Variants in EFHC1 observed in about 807,000 individuals in gnomAD.
EFHC1 encodes EF-hand domain-containing protein 1.
In EFHC1, 53 loss-of-function variants were observed where a neutral mutation model predicts 69.9. The ratio of observed to expected loss-of-function variants is 0.76; its 90% CI spans 0.61 to 0.95. EFHC1 has a LOEUF of 0.95. EFHC1 is among the 40% of genes least tolerant of loss of function. EFHC1 has a pLI of 0.00. For missense variants in EFHC1, 739 were observed against 798.7 expected, an observed-to-expected ratio of 0.93 and a Z score of 0.90; for synonymous variants, 256 against 278.4, an observed-to-expected ratio of 0.92 and a Z score of 0.80.
chr6:52,471,678 C>A (rs888925736), intron 7 of EFHC1, among the ~76,000 whole-genome samples: 2 of 151,966 alleles, frequency 1.3e-5, no homozygotes, highest in African/African-American at 4.8e-5. Flanking sequence ...CCAGCCTGGC[C>A]AACATGCTAA....
In EFHC1 at chr6:52,454,299, T is replaced by G. The variant is rs756727865; in HGVS notation, c.916+12T>G. ...GGTGGAAAATGCAAGTATGTTTGAT[T>G]CAGTTTATTCTCTGTTACTTGGGAT... On this transcript the variant is annotated intron_variant, in intron 5 of 10. Coordinates refer to ENST00000371068, the MANE Select transcript of EFHC1 (RefSeq NM_018100.4). 3.1e-6 allele frequency: 5 copies of G among 1,613,978 alleles called. No homozygotes were observed. Among genetic ancestry groups the G allele is most frequent in the Non-Finnish European group, 4.2e-6 (5 of 1,179,872 alleles).
At chr6:52,456,119 C>T (rs905750695) in intron 5 of EFHC1, among the ~76,000 whole-genome samples, 1 of 152,040 alleles carries the variant, frequency 6.6e-6, no homozygotes, top group African/African-American at 2.4e-5. Context: ...AAATTGTCAT[C>T]ATTTTAGAAT....
In EFHC1 at chr6:52,495,386, G is replaced by C. The variant is rs1445502912; in HGVS notation, c.*3045G>C. The C allele has an allele frequency of 4.4e-6, 2 of 454,090 alleles. No homozygotes were observed. The highest frequency in any genetic ancestry group is 3.1e-5 in the South Asian group (2 of 64,478). The allele number at this position is 454,090 out of a possible 1,614,324, so 28.1% of individuals were successfully genotyped here. A position where few individuals can be genotyped will look rare whatever the true frequency, so the allele number is the denominator to read the frequency against. On this transcript the variant is annotated 3_prime_UTR_variant, in exon 11 of 11. Coordinates refer to ENST00000371068, the MANE Select transcript of EFHC1 (RefSeq NM_018100.4). The stretch of plus-strand genomic sequence containing the variant: ...CCCTTTCAAGAAGCTTGCACTTTCT[G>C]ATATTTTCTCCATCACTCTTGCCTC...
chr6:52,449,116 G>T (rs1032804556), intron 3 of EFHC1, among the ~76,000 whole-genome samples: 2 of 152,190 alleles, frequency 1.3e-5, no homozygotes, highest in African/African-American at 2.4e-5. Flanking sequence ...GGGTGCGGTG[G>T]CTCACGCCTG....
intron 10 of EFHC1, among the ~76,000 whole-genome samples, 185 bp from the exon 11 acceptor site, chr6:52,492,085 A>G (rs1765915851): frequency 6.6e-6 from 1 of 152,216 alleles, no homozygotes; most frequent in Admixed American, 6.5e-5. Context: ...CATTAAGTGT[A>G]AGATGGGGAT....
intron 2 of EFHC1, among the ~76,000 whole-genome samples, chr6:52,424,904 C>T (rs1035193521): frequency 6.6e-6 from 1 of 152,208 alleles, no homozygotes; most frequent in African/African-American, 2.4e-5. Context: ...GTAACTGGTT[C>T]TGAGAAGTAC....
rs542951675 is a variant in EFHC1, at chr6:52,482,652, A to C, written c.1640+2865A>C. 2.0e-5 allele frequency: 8 copies of C among 394,810 alleles called. No individual in the cohort carries two copies. The South Asian group carries it at 1.0e-3, about 49-fold the overall frequency. The allele number at this position is 394,810 out of a possible 1,614,324, so 24.5% of individuals were successfully genotyped here. The stretch of plus-strand genomic sequence containing the variant: ...TTATGATTTTTGCTTTCAATGTTAT[A>C]AAATATGTCTTAGACTTCCTTTAAT... On this transcript the variant is annotated intron_variant, in intron 9 of 10. Transcript: ENST00000371068.
At chr6:52,475,932 G>T (rs1765536101) in intron 7 of EFHC1, among the ~76,000 whole-genome samples, 1 of 152,174 alleles carries the variant, frequency 6.6e-6, no homozygotes, top group African/African-American at 2.4e-5. Context: ...ATGGGGAAGG[G>T]GCTCATTTAT....
chr6:52,467,028 CAG>C (rs71740737), intron 6 of EFHC1, among the ~76,000 whole-genome samples: 12,821 of 152,146 alleles, frequency 0.084, 592 homozygotes, highest in East Asian at 0.16. Flanking sequence ...ATGCAGTACA[CAG>C]GGGAAAATAC....
intron 4 of EFHC1, chr6:52,453,669 T>C (rs1182398959): frequency 5.6e-6 from 7 of 1,254,656 alleles, no homozygotes; most frequent in African/African-American, 4.7e-5. Context: ...CTAGAAGATA[T>C]GTGTTGATGG....
intron 2 of EFHC1, among the ~76,000 whole-genome samples, chr6:52,425,585 ATTCAT>A (rs2113968113): frequency 6.6e-6 from 1 of 152,262 alleles, no homozygotes; most frequent in Non-Finnish European, 1.5e-5. Context: ...AATATTCATA[ATTCAT>A]TTCTTTAAGG....
chr6:52,493,542 C>G lies in EFHC1; in HGVS notation c.*1201C>G. 9.4e-6 allele frequency: 4 copies of G among 426,670 alleles called. No homozygotes were observed. The highest frequency in any genetic ancestry group is 1.9e-5 in the Non-Finnish European group (4 of 215,110). 26.4% of individuals were successfully genotyped at this position (426,670 alleles called of 1,614,324 possible). The stretch of plus-strand genomic sequence containing the variant: ...TGGCGTGTGCCTGTAGTCCCAGCCA[C>G]TCGGGAGGCTTAAATGGGAGAATCA... On this transcript the variant is annotated 3_prime_UTR_variant, in exon 11 of 11. Coordinates refer to ENST00000371068, the MANE Select transcript of EFHC1 (RefSeq NM_018100.4).
intron 9 of EFHC1, chr6:52,483,230 G>A (rs936667198): frequency 2.8e-5 from 5 of 175,680 alleles, no homozygotes; most frequent in South Asian, 2.0e-4. Flanking sequence ...CCATGTTGTT[G>A]GGGGAATGGG....
At chr6:52,474,476 C>T (rs1765503913) in intron 7 of EFHC1, among the ~76,000 whole-genome samples, 1 of 152,088 alleles carries the variant, frequency 6.6e-6, no homozygotes, top group Non-Finnish European at 1.5e-5. Flanking sequence ...AGAGTATACC[C>T]ACTTTGTAAA....
In EFHC1 at chr6:52,454,126, C is replaced by A. The variant is rs747450415; in HGVS notation, c.755C>A (p.Thr252Lys). 3.7e-6 allele frequency: 6 copies of A among 1,613,728 alleles called. No homozygotes were observed. Among genetic ancestry groups the A allele is most frequent in the Admixed American group, 3.3e-5 (2 of 59,984 alleles). ...VLRFYAIWDDTDSMYGECRTY... is the reference protein window; with the variant it reads ...VLRFYAIWDDKDSMYGECRTY... ...CGATTCTATGCAATCTGGGATGATA[C>A]AGACAGCATGTATGGTGAATGTCGG... The change falls in exon 5 of 11, where the codon ACA (threonine) becomes AAA (lysine). Residue 252 changes from threonine to lysine, a missense_variant. Transcript: ENST00000371068.
At chr6:52,450,020 T>G (rs961472057) in intron 3 of EFHC1, among the ~76,000 whole-genome samples, 1 of 152,228 alleles carries the variant, frequency 6.6e-6, no homozygotes, top group African/African-American at 2.4e-5. Context: ...GTTCCATTAC[T>G]TTCAAAGAAA....
chr6:52,474,914 G>T (rs191967849), intron 7 of EFHC1, among the ~76,000 whole-genome samples: 1 of 151,952 alleles, frequency 6.6e-6, no homozygotes, highest in African/African-American at 2.4e-5. Flanking sequence ...TTCTGGCAGC[G>T]TTCTGTTTCT....
At chr6:52,450,786 G>T (rs555915283) in intron 3 of EFHC1, among the ~76,000 whole-genome samples, 8 of 151,732 alleles carry the variant, frequency 5.3e-5, no homozygotes, top group Non-Finnish European at 7.4e-5. Context: ...TGGTTTTTTT[G>T]TTTGTTTGTT....
intron 2 of EFHC1, among the ~76,000 whole-genome samples, chr6:52,436,893 T>C (rs1764543924): frequency 6.6e-6 from 1 of 152,176 alleles, no homozygotes; most frequent in African/African-American, 2.4e-5. Flanking sequence ...CTGCCTGCCT[T>C]GGCCTCCCGG....
Sources: gnomAD v4.1 joint callset for allele counts (sites outside exome capture counted in the v4.1 genomes callset) on GRCh38, gnomAD v4.1.1 for gene constraint, MANE v1.5 for transcripts, NCBI Gene and HGNC (gene_info 2026-07-23, HGNC 2026-07-21) for gene names.